TMEM220: variants seen among roughly 807,000 people sequenced by gnomAD.
The protein encoded by TMEM220 is transmembrane protein 220.
TMEM220 carries 21 observed loss-of-function variants against 21.7 expected under a neutral mutation model. The observed-to-expected ratio is 0.97, with a 90% CI of 0.69 to 1.39. The LOEUF (loss-of-function observed/expected upper bound fraction) is 1.39, where lower values mean the gene tolerates loss of function less well. Among genes scored for constraint, TMEM220 ranks in the 40% most tolerant of loss-of-function variants. The probability of loss-of-function intolerance (pLI) is 0.00; values close to 1 mark genes in which losing one functional copy is unlikely to be tolerated. For synonymous variants in TMEM220, 80 were observed against 73.6 expected (o/e 1.09, Z -0.45); for missense variants, 191 against 201.9 (o/e 0.95, Z 0.33).
chr17:10,715,647 T>C (rs1054607483), intron 5 of TMEM220, 59 bp from the exon 6 acceptor site: 6 of 1,349,812 alleles, frequency 4.4e-6, no homozygotes, highest in Non-Finnish European at 6.0e-6. Flanking sequence ...GAAACAAGTA[T>C]AAAGACTGAA....
At position 10,723,334 on chromosome 17, in the gene TMEM220, A is replaced by G. The variant is rs372686632; in HGVS notation, c.288-5T>C. 3.4e-4 allele frequency: 546 copies of G among 1,613,546 alleles called. 4 individuals carry two copies. In the South Asian group the frequency reaches 3.5e-3, roughly 10 times the overall value. ...ATCACCAGACCAGACAGCTCCCTAT[A>G]AAAGGGTGTACATTTCAGATTTTGG... On this transcript the variant is annotated splice_region_variant and splice_polypyrimidine_tract_variant and intron_variant, in intron 4 of 5. Coordinates refer to ENST00000341871, the MANE Select transcript of TMEM220 (RefSeq NM_001004313.3).
intron 5 of TMEM220, among the ~76,000 whole-genome samples, chr17:10,722,525 A>G (rs1002788418): frequency 6.6e-6 from 1 of 152,144 alleles, no homozygotes; most frequent in Non-Finnish European, 1.5e-5. Context: ...TTAATCCTTG[A>G]CTTATCAAAG....
intron 2 of TMEM220, among the ~76,000 whole-genome samples, chr17:10,728,299 T>C (rs9709263): frequency 6.8e-6 from 1 of 147,018 alleles, no homozygotes; most frequent in African/African-American, 2.5e-5. Flanking sequence ...TTTTTTTTTT[T>C]CTTTTTTTTC....
At chr17:10,725,360 A>T (rs2075038431) in intron 3 of TMEM220, among the ~76,000 whole-genome samples, 1 of 152,120 alleles carries the variant, frequency 6.6e-6, no homozygotes, top group South Asian at 2.1e-4. Context: ...CCTTCCTAGG[A>T]TGATTACCCT....
At chr17:10,717,110 C>T (rs2074931276) in intron 5 of TMEM220, among the ~76,000 whole-genome samples, 1 of 152,156 alleles carries the variant, frequency 6.6e-6, no homozygotes, top group Admixed American at 6.5e-5. Flanking sequence ...ATTCATATCA[C>T]CCACAAATCA....
In TMEM220 at chr17:10,729,857, G is replaced by T; in HGVS notation, c.-6C>A. On this transcript the variant is annotated 5_prime_UTR_variant, in exon 1 of 6. Coordinates refer to ENST00000341871, the MANE Select transcript of TMEM220 (RefSeq NM_001004313.3). ...CGCCACAGCGCTGGCGCCATGGCTC[G>T]GAGAACACGGCGCGGGGCGGTGAGT... is the stretch of plus-strand genomic sequence containing the variant. 1 of 1,338,038 alleles carries T rather than the reference G, an allele frequency of 7.5e-7. No homozygotes were observed. Among genetic ancestry groups the T allele is most frequent in the Non-Finnish European group, 9.6e-7 (1 of 1,039,768 alleles). 82.9% of individuals were successfully genotyped at this position (1,338,038 alleles called of 1,614,324 possible).
chr17:10,728,041 T>C (rs193274309), intron 2 of TMEM220, among the ~76,000 whole-genome samples: 1 of 151,944 alleles, frequency 6.6e-6, no homozygotes, highest in African/African-American at 2.4e-5. Context: ...ATGCCTGTAA[T>C]CCCAGTTACT....
At chr17:10,729,211 A>G (rs1224362706) in intron 1 of TMEM220, 151 bp from the exon 2 acceptor site, 4 of 806,806 alleles carry the variant, frequency 5.0e-6, no homozygotes, top group South Asian at 1.7e-5. Flanking sequence ...TATAGTCCAG[A>G]TGAGGACGGG....
intron 5 of TMEM220, 90 bp from the exon 6 acceptor site, chr17:10,715,678 A>C: frequency 1.0e-6 from 1 of 954,756 alleles, no homozygotes; most frequent in Non-Finnish European, 1.5e-6. Context: ...ACATAATTAC[A>C]TTTTAGTATG....
chr17:10,715,539 G>T lies in TMEM220; in HGVS notation c.397C>A (p.Leu133Ile), dbSNP rs761478485. The change falls in exon 6 of 6, where the codon CTT becomes ATT. Residue 133 changes from leucine (L) to isoleucine (I), a missense_variant. Physicochemically the swap from Leu to Ile is conservative, Grantham distance 5. Coordinates refer to ENST00000341871, the MANE Select transcript of TMEM220 (RefSeq NM_001004313.3). ...IQLAIAIVIT[L>I]FPFISWVYIY... ...TAGACCCATGAGATAAATGGGAAAA[G>T]TGTGATTACAATGGCAATAGCCAAT... is the stretch of plus-strand genomic sequence containing the variant. 4.9e-5 allele frequency: 78 copies of T among 1,604,492 alleles called. 1 individual carries two copies. The East Asian group carries it at 1.7e-3, about 36-fold the overall frequency.
downstream of TMEM220, among the ~76,000 whole-genome samples, chr17:10,711,988 T>G (rs2074857140): frequency 6.6e-6 from 1 of 152,040 alleles, no homozygotes; most frequent in Admixed American, 6.5e-5. Context: ...TATAAAGGAG[T>G]GTTAGCTTTC....
At chr17:10,724,640 T>C (rs1415749900) in intron 4 of TMEM220, 1 of 177,360 alleles carries the variant, frequency 5.6e-6, no homozygotes, top group Non-Finnish European at 1.2e-5. Flanking sequence ...GATAAGATTC[T>C]GGCTTAAACC....
intron 2 of TMEM220, 75 bp from the exon 3 acceptor site, chr17:10,726,339 A>G: frequency 8.1e-7 from 1 of 1,241,004 alleles, no homozygotes. Flanking sequence ...AGATACAGGA[A>G]GTAAAGAAAG....
chr17:10,726,421 C>A, intron 2 of TMEM220, 157 bp from the exon 3 acceptor site: 1 of 660,654 alleles, frequency 1.5e-6, no homozygotes, highest in East Asian at 2.7e-5. Context: ...GTGGTAGATT[C>A]TCCTTTTGTG....
Position 10,725,131 on chromosome 17 carries a change from T to C in TMEM220, c.167A>G (p.Asn56Ser). 1.2e-6 allele frequency: 2 copies of C among 1,614,012 alleles called. No individual in the cohort carries two copies. Among genetic ancestry groups the C allele is most frequent in the Non-Finnish European group, 1.7e-6 (2 of 1,179,926 alleles). ...LVGLNPEVTG[N>S]VIWKSISAIH... ...TGCAGAGATACTTTTCCAAATAACA[T>C]TACCTAAAAATAGATGTTCTGATGT... Residue 56 changes from asparagine to serine, a missense_variant, in exon 4 of 6, where the codon AAT becomes AGT. Asn to Ser is a conservative substitution (Grantham distance 46). Transcript: ENST00000341871.
chr17:10,717,532 T>C (rs975800431), intron 5 of TMEM220, among the ~76,000 whole-genome samples: 4 of 152,162 alleles, frequency 2.6e-5, no homozygotes, highest in African/African-American at 9.7e-5. Flanking sequence ...AACTTGGTAG[T>C]TGGGTTATAT....
chr17:10,729,673 A>T, intron 1 of TMEM220, 107 bp downstream of exon 1: 1 of 974,224 alleles, frequency 1.0e-6, no homozygotes, highest in Non-Finnish European at 1.4e-6. Flanking sequence ...CCTCCCCACT[A>T]ACTGTGCGCC....
Position 10,715,600 on chromosome 17 carries a change from CA to C in TMEM220, c.348-13del. On this transcript the variant is annotated splice_polypyrimidine_tract_variant and intron_variant, in intron 5 of 5. Transcript: ENST00000341871. ...CACCAACTGGATTCCTATAAAGACA[CA>C]AAAATTATTATAAATAAAAATCATG... 1 of 1,552,932 alleles carries C rather than the reference CA, an allele frequency of 6.4e-7. No homozygotes were observed. Among genetic ancestry groups the C allele is most frequent in the Non-Finnish European group, 8.6e-7 (1 of 1,159,528 alleles).
chr17:10,720,255 A>G (rs1266234533), intron 5 of TMEM220, among the ~76,000 whole-genome samples: 2 of 152,238 alleles, frequency 1.3e-5, no homozygotes, highest in Non-Finnish European at 2.9e-5. Context: ...AGATATATGC[A>G]TATGGCTATT....
Sources: gnomAD v4.1 joint callset for allele counts (sites outside exome capture counted in the v4.1 genomes callset) on GRCh38, gnomAD v4.1.1 for gene constraint, MANE v1.5 for transcripts, NCBI Gene and HGNC (gene_info 2026-07-23, HGNC 2026-07-21) for gene names.